Variants in IMPDH1 observed in about 807,000 individuals in gnomAD.
The protein encoded by IMPDH1 is inosine monophosphate dehydrogenase 1.
In IMPDH1, 41 loss-of-function variants were observed where a neutral mutation model predicts 73.5. That is an observed-to-expected ratio of 0.56 (90% CI 0.43 to 0.72). The LOEUF is 0.72. IMPDH1 is among the 30% of genes least tolerant of loss of function. IMPDH1 has a pLI of 0.00. For synonymous variants in IMPDH1, 318 were observed against 334.3 expected, an observed-to-expected ratio of 0.95 and a Z score of 0.53; for missense variants, 645 against 824.8, an observed-to-expected ratio of 0.78 and a Z score of 2.67.
chr7:128,405,743 AGG>A, intron 4 of IMPDH1, 22 bp downstream of exon 4: 1 of 1,526,722 alleles, frequency 6.5e-7, no homozygotes, highest in African/African-American at 1.4e-5. Context: ...GCGCGCACCT[AGG>A]GGTACGAGAC....
In IMPDH1 at chr7:128,398,399, AGGC is replaced by A. The variant is rs763885082; in HGVS notation, c.1074+12_1074+14del. 1 of 1,605,766 alleles carries A rather than the reference AGGC, an allele frequency of 6.2e-7. No individual in the cohort carries two copies. Among genetic ancestry groups the A allele is most frequent in the South Asian group, 1.1e-5 (1 of 90,874 alleles). ...CACTCATCCATCTCCCCCACCACTC[AGGC>A]GGGGGCCTTACCAAGACTATGACGT... On this transcript the variant is annotated intron_variant, in intron 10 of 16. Coordinates refer to ENST00000338791, the MANE Select transcript of IMPDH1 (RefSeq NM_000883.4). The surrounding 1 kb of genome is among the most constrained non-coding windows in gnomAD (Gnocchi z 4.3).
Position 128,399,062 on chromosome 7 carries a change from C to CT in IMPDH1, c.875-450dup, listed in dbSNP as rs567974849. ...GGACCTGGTGAATATTTAATTTTTCCTTTTTTTTTCTAACAAGCGAAAGTT... is the reference window on the plus strand; with the variant it reads ...GGACCTGGTGAATATTTAATTTTTCCTTTTTTTTTTCTAACAAGCGAAAGTT... On this transcript the variant is annotated intron_variant, in intron 9 of 16. Transcript: ENST00000338791. 2.6e-3 allele frequency among the ~76,000 whole-genome samples: 391 copies of CT among 151,716 alleles called. 3 individuals carry two copies. Among genetic ancestry groups the CT allele is most frequent in the African/African-American group, 8.9e-3 (367 of 41,368 alleles).
Position 128,400,152 on chromosome 7 carries a change from C to G in IMPDH1, c.817G>C (p.Ala273Pro), listed in dbSNP as rs1198667841. The G allele has an allele frequency of 1.2e-6, 2 of 1,613,962 alleles. No homozygotes were observed. Among genetic ancestry groups the G allele is most frequent in the African/African-American group, 2.7e-5 (2 of 74,926 alleles). ...VMTPRIELVV[A>P]PAGVTLKEAN... ...TCTTTCAACGTCACACCTGCTGGAG[C>G]CACCACCAGTTCAATCCTTGGCGTC... Residue 273 changes from alanine to proline, a missense_variant, in exon 9 of 17, where the codon GCT becomes CCT. This residue lies in a region of IMPDH1 where 459 missense variants were observed against 638.2 expected (regional missense o/e 0.72). Coordinates refer to ENST00000338791, the MANE Select transcript of IMPDH1 (RefSeq NM_000883.4).
rs1032677068 is a variant in IMPDH1, at chr7:128,396,555, G to A, written c.1261+45C>T. The A allele has an allele frequency of 1.7e-5, 23 of 1,374,502 alleles. No individual in the cohort carries two copies. The highest frequency in any genetic ancestry group is 5.0e-5 in the South Asian group (4 of 80,666). 85.1% of individuals were successfully genotyped at this position (1,374,502 alleles called of 1,614,324 possible). On this transcript the variant is annotated intron_variant, in intron 12 of 16. Transcript: ENST00000338791. The surrounding 1 kb of genome is among the most constrained non-coding windows in gnomAD (Gnocchi z 4.0). The stretch of plus-strand genomic sequence containing the variant: ...TGATATACATCTGGGGAACAAAGGC[G>A]AGGCCCCGGGGCCAGCGGGCACTCG...
chr7:128,393,986 C>G (rs1206755286), intron 16 of IMPDH1, among the ~76,000 whole-genome samples: 2 of 152,188 alleles, frequency 1.3e-5, no homozygotes, highest in Non-Finnish European at 2.9e-5. Flanking sequence ...AGCCACCAAG[C>G]TTCCTGAGCA....
chr7:128,408,556 C>G (rs1440312661), intron 3 of IMPDH1, among the ~76,000 whole-genome samples: 1 of 108,644 alleles, frequency 9.2e-6, no homozygotes, highest in African/African-American at 3.8e-5. Flanking sequence ...GCTCCCTGAG[C>G]CCAAGTGGGG....
rs1797895764 is a variant in IMPDH1 at position 128,396,112 on chromosome 7, AACC to A, written c.1261+485_1261+487del. 6.6e-6 allele frequency among the ~76,000 whole-genome samples: 1 copy of A among 152,104 alleles called. No individual in the cohort carries two copies. Among genetic ancestry groups the A allele is most frequent in the African/African-American group, 2.4e-5 (1 of 41,402 alleles). ...AGCCTCCAGGGAGCACCTCCTCAAT[AACC>A]ACATGGGGGACACATGCCAGGCTCC... On this transcript the variant is annotated intron_variant, in intron 12 of 16. Transcript: ENST00000338791. The surrounding 1 kb of genome is among the most constrained non-coding windows in gnomAD (Gnocchi z 4.0).
Position 128,398,628 on chromosome 7 carries a change from AG to A in IMPDH1, c.875-16del. Reference sequence around the variant, plus strand: ...AGGCAGCTTCCCTGACAAGGAATGCAGGGGTGAAATGAAGCAGGCTTGGTGG... The same window carrying A: ...AGGCAGCTTCCCTGACAAGGAATGCAGGGTGAAATGAAGCAGGCTTGGTGG... On this transcript the variant is annotated splice_polypyrimidine_tract_variant and intron_variant, in intron 9 of 16. Coordinates refer to ENST00000338791, the MANE Select transcript of IMPDH1 (RefSeq NM_000883.4). The surrounding 1 kb of genome is among the most constrained non-coding windows in gnomAD (Gnocchi z 4.3). The A allele has an allele frequency of 6.2e-7, 1 of 1,609,224 alleles. No homozygotes were observed.
In IMPDH1 at chr7:128,396,955, T is replaced by C. The variant is rs61751223; in HGVS notation, c.1142A>G (p.His381Arg). 5,387 of 1,613,000 alleles carry C rather than the reference T, an allele frequency of 3.3e-3. 14 individuals carry two copies. The highest frequency in any genetic ancestry group is 4.1e-3 in the Non-Finnish European group (4,856 of 1,179,574). The change falls in exon 11 of 17, where the codon CAC (histidine) becomes CGC (arginine). Residue 381 changes from histidine to arginine, a missense_variant. Physicochemically the swap from His to Arg is conservative, Grantham distance 29. This residue lies in a region of IMPDH1 where 459 missense variants were observed against 638.2 expected (regional missense o/e 0.72). Transcript: ENST00000338791. The surrounding 1 kb of genome is among the most constrained non-coding windows in gnomAD (Gnocchi z 4.0). ...MVHYIKQKYP[H>R]LQVIGGNVVT... is the part of the protein sequence containing the mutation. ...ACCGTTCCCCCCAATCACCTGGAGG[T>C]GGGGGTACTTCTGTTTGATGTAATG... is the stretch of plus-strand genomic sequence containing the variant.
intron 16 of IMPDH1, 69 bp from the exon 17 acceptor site, chr7:128,393,097 C>T (rs1797646411): frequency 1.3e-6 from 2 of 1,505,208 alleles, no homozygotes; most frequent in African/African-American, 2.8e-5. Context: ...AAAACCCTTT[C>T]CCCAGGGCCC....
At chr7:128,395,064 C>T (rs1391247282) in intron 13 of IMPDH1, 31 bp from the exon 14 acceptor site, 3 of 1,613,504 alleles carry the variant, frequency 1.9e-6, no homozygotes, top group South Asian at 2.2e-5. Context: ...GTGCCTCCAG[C>T]CCACTAGTGC....
At chr7:128,393,326 A>G (rs1249102487) in intron 16 of IMPDH1, among the ~76,000 whole-genome samples, 1 of 152,224 alleles carries the variant, frequency 6.6e-6, no homozygotes. Context: ...TCAGGCAGGC[A>G]TGGCCCATCC....
At chr7:128,405,989 C>G (rs917651854) in intron 3 of IMPDH1, 124 bp from the exon 4 acceptor site, 58 of 596,616 alleles carry the variant, frequency 9.7e-5, no homozygotes, top group Non-Finnish European at 1.2e-4. Context: ...CCGGGCGGGC[C>G]GGGGGCGGGG....
In IMPDH1 at chr7:128,405,924, C is replaced by CGCTGCTGCTGCT. The variant is rs1210776314; in HGVS notation, c.255-71_255-60dup. The CGCTGCTGCTGCT allele has an allele frequency of 1.5e-5, 22 of 1,447,176 alleles. No individual in the cohort carries two copies. In the South Asian group the frequency reaches 2.8e-4, roughly 18 times the overall value. The allele number at this position is 1,447,176 out of a possible 1,614,324, so 89.6% of individuals were successfully genotyped here. ...CCGCGCGGCCGCCCGCCGCTGCCGCCGCTGCTGCTGCTGCTACTGCTGACG... is the reference window on the plus strand; with the variant it reads ...CCGCGCGGCCGCCCGCCGCTGCCGCCGCTGCTGCTGCTGCTGCTGCTGCTGCTACTGCTGACG... On this transcript the variant is annotated intron_variant, in intron 3 of 16. Coordinates refer to ENST00000338791, the MANE Select transcript of IMPDH1 (RefSeq NM_000883.4).
In IMPDH1 at chr7:128,401,135, C is replaced by T; in HGVS notation, c.403-19G>A. On this transcript the variant is annotated intron_variant, in intron 5 of 16. Coordinates refer to ENST00000338791, the MANE Select transcript of IMPDH1 (RefSeq NM_000883.4). ...TCAGGTCCTGAGGATGGAGGCACAG[C>T]CCACGTAAAGAGTTTATCACCCACT... 6.3e-7 allele frequency: 1 copy of T among 1,591,090 alleles called. No individual in the cohort carries two copies. Among genetic ancestry groups the T allele is most frequent in the Non-Finnish European group, 8.6e-7 (1 of 1,161,170 alleles).
In IMPDH1 at chr7:128,398,896, C is replaced by T. The variant is rs771761797; in HGVS notation, c.875-283G>A. Among the ~76,000 whole-genome samples, 2 of 152,194 alleles carry T rather than the reference C, an allele frequency of 1.3e-5. No homozygotes were observed. The highest frequency in any genetic ancestry group is 2.9e-5 in the Non-Finnish European group (2 of 68,036). ...GGCAGCCCGAGCACTGGCAGCCTTTCACCTGCTGGGCCACAGTGGCCGAAA... is the reference window on the plus strand; with the variant it reads ...GGCAGCCCGAGCACTGGCAGCCTTTTACCTGCTGGGCCACAGTGGCCGAAA... On this transcript the variant is annotated intron_variant, in intron 9 of 16. Transcript: ENST00000338791. The surrounding 1 kb of genome is among the most constrained non-coding windows in gnomAD (Gnocchi z 4.3).
At chr7:128,399,862 A>G (rs114056555) in intron 9 of IMPDH1, among the ~76,000 whole-genome samples, 1,760 of 152,298 alleles carry the variant, frequency 0.012, 37 homozygotes, top group African/African-American at 0.04. Context: ...TCTGATGAGC[A>G]TCGCATAGGA....
At chr7:128,404,099 G>A (rs1798534834) in intron 4 of IMPDH1, among the ~76,000 whole-genome samples, 1 of 152,218 alleles carries the variant, frequency 6.6e-6, no homozygotes, top group African/African-American at 2.4e-5. Context: ...GCCTGCCTTT[G>A]AAAACTTCTC....
intron 4 of IMPDH1, among the ~76,000 whole-genome samples, chr7:128,404,330 A>G (rs1798553620): frequency 6.6e-6 from 1 of 152,056 alleles, no homozygotes; most frequent in Non-Finnish European, 1.5e-5. Flanking sequence ...CCAGGACGGG[A>G]AAGGGGAGGA....
Sources: allele counts gnomAD v4.1 joint callset (sites outside exome capture counted in the v4.1 genomes callset), GRCh38; gene constraint gnomAD v4.1.1; regional missense constraint gnomAD v4.1.1; non-coding constraint Gnocchi (gnomAD v3.1); transcripts MANE v1.5; gene names NCBI Gene and HGNC (gene_info 2026-07-23, HGNC 2026-07-21).